Variants in DOCK2 observed in about 807,000 individuals in gnomAD.
DOCK2 encodes the protein dedicator of cytokinesis protein 2.
In DOCK2, 87 loss-of-function variants were observed where a neutral mutation model predicts 248.9. The observed-to-expected ratio is 0.35, with a 90% CI of 0.29 to 0.42. The LOEUF is 0.42. DOCK2 is among the 10% of genes least tolerant of loss of function. The pLI is 1.00. For synonymous variants in DOCK2, 805 were observed against 821.6 expected (o/e 0.98, Z 0.35); for missense variants, 1,747 against 2,300.2 (o/e 0.76, Z 4.92).
At chr5:169,752,000 T>TCA (rs528449155) in intron 23 of DOCK2, among the ~76,000 whole-genome samples, 2,455 of 143,094 alleles carry the variant, frequency 0.017, 71 homozygotes, top group African/African-American at 0.064. Context: ...CACTATTCTC[T>TCA]ATGCCACAGG....
intron 27 of DOCK2, among the ~76,000 whole-genome samples, chr5:169,972,462 A>G (rs1777538186): frequency 7.2e-6 from 1 of 139,000 alleles, no homozygotes; most frequent in South Asian, 2.4e-4. Flanking sequence ...CAACCTCTCC[A>G]TCACTTTTGA....
chr5:170,057,780 T>A, intron 44 of DOCK2, 114 bp downstream of exon 44: 1 of 910,608 alleles, frequency 1.1e-6, no homozygotes, highest in Non-Finnish European at 1.6e-6. Context: ...TTGAAGCTGC[T>A]GTGTGAGTCC....
intron 29 of DOCK2, among the ~76,000 whole-genome samples, chr5:169,992,578 C>A (rs1778236303): frequency 6.6e-6 from 1 of 152,138 alleles, no homozygotes; most frequent in South Asian, 2.1e-4. Flanking sequence ...AATTCTCCTG[C>A]CTCAGCCTCC....
intron 25 of DOCK2, among the ~76,000 whole-genome samples, chr5:169,765,439 C>T (rs1193831649): frequency 6.6e-6 from 1 of 152,188 alleles, no homozygotes; most frequent in East Asian, 1.9e-4. Flanking sequence ...AAGCTCAGAC[C>T]TGCCTGGTGG....
intron 8 of DOCK2, 57 bp from the exon 9 acceptor site, chr5:169,689,195 G>T: frequency 6.4e-7 from 1 of 1,562,976 alleles, no homozygotes; most frequent in South Asian, 1.1e-5. Flanking sequence ...TGAATGTTTT[G>T]ACTAAATGGA....
At chr5:170,002,132 C>T (rs1382235171) in intron 30 of DOCK2, among the ~76,000 whole-genome samples, 1 of 151,654 alleles carries the variant, frequency 6.6e-6, no homozygotes, top group East Asian at 1.9e-4. Context: ...ATGCATAGAC[C>T]CTGTGTCTTA....
chr5:169,824,912 C>T (rs1481184484), intron 26 of DOCK2, among the ~76,000 whole-genome samples: 1 of 151,910 alleles, frequency 6.6e-6, no homozygotes, highest in Non-Finnish European at 1.5e-5. Flanking sequence ...ACAAAGAACT[C>T]AAACAAATTT....
chr5:169,682,970 CCTT>C (rs1363425127), intron 7 of DOCK2, among the ~76,000 whole-genome samples: 17 of 152,118 alleles, frequency 1.1e-4, no homozygotes, highest in African/African-American at 4.1e-4. Context: ...ACATTTTGGT[CCTT>C]TTTATTACTG....
At chr5:170,008,225 CAAAA>C (rs60090712) in intron 30 of DOCK2, among the ~76,000 whole-genome samples, 6,123 of 113,940 alleles carry the variant, frequency 0.054, 408 homozygotes, top group African/African-American at 0.16. Context: ...ACAACAACAA[CAAAA>C]AAAAAAAAAC....
intron 32 of DOCK2, among the ~76,000 whole-genome samples, chr5:170,014,642 G>GA (rs1755442987): frequency 7.7e-6 from 1 of 129,058 alleles, no homozygotes; most frequent in African/African-American, 2.9e-5. Context: ...TGTGTTGGGG[G>GA]GGGTAGACTA....
At chr5:169,955,645 A>G (rs1453164830) in intron 27 of DOCK2, among the ~76,000 whole-genome samples, 2 of 152,238 alleles carry the variant, frequency 1.3e-5, no homozygotes, top group Non-Finnish European at 1.5e-5. Context: ...ATGCAGGAGA[A>G]GAAGGCAGGC....
intron 27 of DOCK2, among the ~76,000 whole-genome samples, chr5:169,924,603 G>A (rs1267896036): frequency 6.6e-6 from 1 of 152,140 alleles, no homozygotes; most frequent in Non-Finnish European, 1.5e-5. Context: ...ATTCAATCAT[G>A]CTGAAGTTCA....
chr5:169,715,715 TACTCACC>T (rs1761870127), intron 19 of DOCK2, among the ~76,000 whole-genome samples: 1 of 152,094 alleles, frequency 6.6e-6, no homozygotes, highest in South Asian at 2.1e-4. Context: ...ACACCATGTG[TACTCACC>T]ACCCAGAAGA....
chr5:169,643,452 T>C (rs994798400), intron 1 of DOCK2, among the ~76,000 whole-genome samples: 1 of 152,162 alleles, frequency 6.6e-6, no homozygotes, highest in Non-Finnish European at 1.5e-5. Context: ...GATGAAGCTG[T>C]TCCACTTCAG....
intron 25 of DOCK2, among the ~76,000 whole-genome samples, chr5:169,798,048 A>T (rs1244410274): frequency 2.0e-5 from 3 of 152,170 alleles, no homozygotes; most frequent in African/African-American, 7.2e-5. Context: ...CCTCCATCTT[A>T]TGGGGATGCT....
At chr5:169,929,243 C>A (rs892317311) in intron 27 of DOCK2, among the ~76,000 whole-genome samples, 4 of 152,252 alleles carry the variant, frequency 2.6e-5, no homozygotes, top group African/African-American at 9.6e-5. Flanking sequence ...ATTTTCCAAT[C>A]TCTTCCTCCA....
intron 26 of DOCK2, among the ~76,000 whole-genome samples, chr5:169,819,823 A>G (rs1171659851): frequency 6.6e-6 from 1 of 152,214 alleles, no homozygotes; most frequent in Non-Finnish European, 1.5e-5. Flanking sequence ...GGGGTGAGGC[A>G]TCACCTCATC....
At chr5:169,859,057 G>A (rs1290023444) in intron 27 of DOCK2, among the ~76,000 whole-genome samples, 1 of 152,076 alleles carries the variant, frequency 6.6e-6, no homozygotes, top group Non-Finnish European at 1.5e-5. Flanking sequence ...GATTGCATGT[G>A]GGGAGACCTG....
chr5:169,943,962 C>A (rs576843242), intron 27 of DOCK2, among the ~76,000 whole-genome samples: 1 of 152,328 alleles, frequency 6.6e-6, no homozygotes, highest in Admixed American at 6.5e-5. Context: ...TTCTTATTGT[C>A]TCTGTAAAGT....
Sources: allele counts gnomAD v4.1 joint callset (sites outside exome capture counted in the v4.1 genomes callset), GRCh38; gene constraint gnomAD v4.1.1; transcripts MANE v1.5; gene names NCBI Gene and HGNC (gene_info 2026-07-23, HGNC 2026-07-21).